SPATA9: variants seen among roughly 807,000 people sequenced by gnomAD.
SPATA9 encodes spermatogenesis-associated protein 9.
SPATA9 carries 27 observed loss-of-function variants against 25.5 expected under a neutral mutation model. That is an observed-to-expected ratio of 1.06 (90% CI 0.78 to 1.46). The LOEUF is 1.46. SPATA9 is among the 40% of genes most tolerant of loss of function. The pLI, the probability that SPATA9 is intolerant of heterozygous loss-of-function variation, is 0.00. For missense variants in SPATA9, 282 were observed against 297.5 expected (o/e 0.95, Z 0.38); for synonymous variants, 102 against 105.7 (o/e 0.97, Z 0.21).
chr5:95,667,878 G>C (rs1052666867), intron 3 of SPATA9, among the ~76,000 whole-genome samples: 2 of 152,116 alleles, frequency 1.3e-5, no homozygotes, highest in Non-Finnish European at 2.9e-5. Context: ...GCTGTCTTCA[G>C]GATAGTGAAT....
intron 1 of SPATA9, among the ~76,000 whole-genome samples, chr5:95,694,813 C>A (rs919656894): frequency 1.3e-5 from 2 of 152,184 alleles, no homozygotes; most frequent in African/African-American, 4.8e-5. Context: ...ACAAGAACAG[C>A]TCTCTGCCCT....
At chr5:95,676,760 A>G (rs532081009) in intron 2 of SPATA9, among the ~76,000 whole-genome samples, 2 of 152,262 alleles carry the variant, frequency 1.3e-5, no homozygotes, top group Non-Finnish European at 2.9e-5. Flanking sequence ...CTGTTCATCA[A>G]TACACCAGCC....
chr5:95,715,074 C>T, the SPATA9 span, among the ~76,000 whole-genome samples: 3 of 151,902 alleles, frequency 2.0e-5, no homozygotes, highest in Admixed American at 6.6e-5. Context: ...ACCTGTAATC[C>T]CAGCACTTTG....
At chr5:95,731,360 G>A in the SPATA9 span, 3 of 1,137,652 alleles carry the variant, frequency 2.6e-6, no homozygotes, top group East Asian at 9.5e-5. Context: ...GCTGCCAGCC[G>A]AGGAGGCGCG....
intron 4 of SPATA9, among the ~76,000 whole-genome samples, chr5:95,661,037 C>T (rs1462999988): frequency 1.3e-5 from 2 of 152,128 alleles, no homozygotes; most frequent in African/African-American, 4.8e-5. Flanking sequence ...TTATTTCTGT[C>T]TTCCTTATCC....
the SPATA9 span, chr5:95,731,426 G>T: frequency 1.7e-6 from 2 of 1,194,608 alleles, no homozygotes; most frequent in Non-Finnish European, 2.1e-6. Context: ...GCGGTCCCGC[G>T]CCCGGCGATG....
the SPATA9 span, among the ~76,000 whole-genome samples, chr5:95,714,808 G>A: frequency 6.6e-6 from 1 of 151,472 alleles, no homozygotes; most frequent in Admixed American, 6.6e-5. Context: ...ATAGGAAATG[G>A]ATTCCCTTCA....
At chr5:95,691,648 A>G (rs910403394) in intron 1 of SPATA9, among the ~76,000 whole-genome samples, 4 of 152,148 alleles carry the variant, frequency 2.6e-5, no homozygotes, top group African/African-American at 9.7e-5. Flanking sequence ...GTTACAAAAG[A>G]TATTTTTATC....
At chr5:95,654,566 G>A (rs1287148126), downstream of SPATA9, among the ~76,000 whole-genome samples, 1 of 151,990 alleles carries the variant, frequency 6.6e-6, no homozygotes, top group Non-Finnish European at 1.5e-5. Flanking sequence ...ATAATTGCAC[G>A]GATGTTTAAG....
At chr5:95,699,776 T>C (rs1754133446), upstream of SPATA9, among the ~76,000 whole-genome samples, 1 of 152,188 alleles carries the variant, frequency 6.6e-6, no homozygotes, top group Non-Finnish European at 1.5e-5. Context: ...TGGGAAGAAA[T>C]ACTGGTTTTG....
At chr5:95,731,065 C>G in the SPATA9 span, 1 of 1,095,066 alleles carries the variant, frequency 9.1e-7, no homozygotes, top group African/African-American at 1.7e-5. Flanking sequence ...GCGAGTTGAA[C>G]AAACTTGCTG....
At chr5:95,722,340 C>T in the SPATA9 span, among the ~76,000 whole-genome samples, 3 of 152,196 alleles carry the variant, frequency 2.0e-5, no homozygotes, top group South Asian at 2.1e-4. Context: ...AGTATTATAC[C>T]ACTTAACTCT....
At chr5:95,731,278 GC>G in the SPATA9 span, 1 of 1,018,836 alleles carries the variant, frequency 9.8e-7, no homozygotes, top group African/African-American at 1.7e-5. Flanking sequence ...GGGGGCGGAG[GC>G]CCCGATCTCC....
chr5:95,703,388 C>G (rs1469977160), upstream of SPATA9, among the ~76,000 whole-genome samples: 1 of 152,186 alleles, frequency 6.6e-6, no homozygotes, highest in Non-Finnish European at 1.5e-5. Context: ...AATCCCAGCA[C>G]TTTTGGAGGC....
downstream of SPATA9, chr5:95,657,237 G>A (rs910742800): frequency 6.6e-6 from 1 of 152,102 alleles, no homozygotes; most frequent in South Asian, 2.1e-4. Context: ...CCCGAGCAAG[G>A]TTGATGTTCA....
chr5:95,708,663 C>A, the SPATA9 span: 2 of 696,494 alleles, frequency 2.9e-6, no homozygotes, highest in Non-Finnish European at 5.2e-6. Context: ...CAGTTTGGCT[C>A]CCAGAGTGTC....
the SPATA9 span, among the ~76,000 whole-genome samples, chr5:95,707,477 T>A: frequency 0.23 from 34,564 of 151,848 alleles, 4,187 homozygotes; most frequent in East Asian, 0.5. Flanking sequence ...TACCTTGGTT[T>A]AGGAAGGCGG....
the SPATA9 span, among the ~76,000 whole-genome samples, chr5:95,730,319 C>T: frequency 1.3e-5 from 2 of 152,116 alleles, no homozygotes; most frequent in Non-Finnish European, 2.9e-5. Flanking sequence ...AAAGGATAAG[C>T]AAGAACTCTT....
chr5:95,681,966 A>G (rs1285869676), intron 2 of SPATA9, among the ~76,000 whole-genome samples: 1 of 152,186 alleles, frequency 6.6e-6, no homozygotes, highest in African/African-American at 2.4e-5. Context: ...TGTTCCCTAA[A>G]CAAGTTGTTA....
Sources: gnomAD v4.1 joint callset for allele counts (sites outside exome capture counted in the v4.1 genomes callset) on GRCh38, gnomAD v4.1.1 for gene constraint, MANE v1.5 for transcripts, NCBI Gene and HGNC (gene_info 2026-07-23, HGNC 2026-07-21) for gene names.